Variants in HDAC4 observed in about 807,000 individuals in gnomAD.
HDAC4 encodes the protein histone deacetylase 4.
HDAC4 carries 16 observed loss-of-function variants against 135.1 expected under a neutral mutation model. That is an observed-to-expected ratio of 0.12 (90% CI 0.08 to 0.18). The LOEUF is 0.18. Ranked by LOEUF, HDAC4 falls within the 10% of genes least tolerant of loss-of-function variation. HDAC4 has a pLI of 1.00. For synonymous variants in HDAC4, 685 were observed against 653.4 expected (o/e 1.05, Z -0.74); for missense variants, 1,143 against 1,511.8 (o/e 0.76, Z 4.05).
intron 12 of HDAC4, among the ~76,000 whole-genome samples, chr2:239,122,251 C>G (rs114619646): frequency 0.034 from 5,251 of 152,268 alleles, 116 homozygotes; most frequent in Non-Finnish European, 0.051. Flanking sequence ...TGTGCAGAGT[C>G]CAGAAACCAT....
At chr2:239,235,778 G>A (rs527666116) in intron 3 of HDAC4, among the ~76,000 whole-genome samples, 17 of 152,320 alleles carry the variant, frequency 1.1e-4, no homozygotes, top group African/African-American at 3.6e-4. Flanking sequence ...GGTGGCTCAC[G>A]CCTGTAATTC....
chr2:239,369,536 A>T (rs1258753488), intron 1 of HDAC4, among the ~76,000 whole-genome samples: 1 of 152,272 alleles, frequency 6.6e-6, no homozygotes, highest in Non-Finnish European at 1.5e-5. Context: ...TACAAAAAGC[A>T]TTTTTATTTT....
intron 21 of HDAC4, among the ~76,000 whole-genome samples, 186 bp downstream of exon 21, chr2:239,081,916 C>A (rs1447557398): frequency 6.6e-6 from 1 of 152,254 alleles, no homozygotes; most frequent in East Asian, 1.9e-4. Flanking sequence ...AGACAAAACA[C>A]AGGCCACCTG....
intron 13 of HDAC4, among the ~76,000 whole-genome samples, chr2:239,113,101 T>A (rs79905291): frequency 0.098 from 14,851 of 152,000 alleles, 1,085 homozygotes; most frequent in Admixed American, 0.24. Flanking sequence ...AAACAAAAAA[T>A]TAGCCAGGCG....
chr2:239,320,100 G>A (rs377346943), intron 2 of HDAC4, among the ~76,000 whole-genome samples: 3 of 152,020 alleles, frequency 2.0e-5, no homozygotes, highest in South Asian at 2.1e-4. Context: ...ATGACTAAGC[G>A]GGCTGAGAAA....
At chr2:239,320,029 TTTAA>T (rs2053254302) in intron 2 of HDAC4, among the ~76,000 whole-genome samples, 4 of 152,196 alleles carry the variant, frequency 2.6e-5, no homozygotes, top group African/African-American at 9.6e-5. Flanking sequence ...TGTTTAATTC[TTTAA>T]TTAGAGATTT....
At chr2:239,292,714 GTTTCTTT>G (rs1559336173) in intron 2 of HDAC4, among the ~76,000 whole-genome samples, 1 of 152,026 alleles carries the variant, frequency 6.6e-6, no homozygotes, top group African/African-American at 2.4e-5. Flanking sequence ...AGAGGATACT[GTTTCTTT>G]TTTGTTTCTT....
intron 3 of HDAC4, among the ~76,000 whole-genome samples, chr2:239,216,116 C>A (rs1237958605): frequency 6.6e-6 from 1 of 151,946 alleles, no homozygotes; most frequent in Non-Finnish European, 1.5e-5. Flanking sequence ...TAATTAGGGC[C>A]ATATTATGCA....
At chr2:239,247,082 A>T (rs1415923704) in intron 2 of HDAC4, among the ~76,000 whole-genome samples, 1 of 152,258 alleles carries the variant, frequency 6.6e-6, no homozygotes, top group Non-Finnish European at 1.5e-5. Context: ...CCCTTCAGTT[A>T]ATGATGAAAG....
intron 13 of HDAC4, among the ~76,000 whole-genome samples, chr2:239,112,558 G>C (rs374296866): frequency 1.4e-4 from 21 of 152,286 alleles, no homozygotes; most frequent in African/African-American, 4.3e-4. Context: ...CTGTGTGTGG[G>C]GGGGGCACTC....
intron 9 of HDAC4, among the ~76,000 whole-genome samples, chr2:239,137,859 C>A (rs1019376351): frequency 3.9e-5 from 6 of 152,198 alleles, no homozygotes; most frequent in African/African-American, 1.4e-4. Flanking sequence ...TGAACAATGG[C>A]ACCTCTTGGT....
intron 15 of HDAC4, among the ~76,000 whole-genome samples, chr2:239,105,420 C>A (rs1279521227): frequency 1.3e-5 from 2 of 152,214 alleles, no homozygotes; most frequent in Non-Finnish European, 2.9e-5. Context: ...ACTCAGAGGA[C>A]CCCCGACTGC....
At chr2:239,152,445 G>A (rs1411464276) in intron 7 of HDAC4, among the ~76,000 whole-genome samples, 6 of 152,228 alleles carry the variant, frequency 3.9e-5, no homozygotes, top group African/African-American at 9.6e-5. Context: ...GAAATCTGGC[G>A]GGAGGTGAAG....
At chr2:239,190,146 A>AC (rs1575351298) in intron 3 of HDAC4, 69 bp from the exon 4 acceptor site, 1 of 1,357,296 alleles carries the variant, frequency 7.4e-7, no homozygotes, top group Middle Eastern at 2.7e-4. Flanking sequence ...CAGAGCCCCC[A>AC]CCCAACACAC....
intron 3 of HDAC4, among the ~76,000 whole-genome samples, chr2:239,195,723 C>T (rs1162371071): frequency 3.3e-5 from 5 of 152,164 alleles, no homozygotes; most frequent in African/African-American, 4.8e-5. Context: ...GAATATTCTA[C>T]GGTACAGCAG....
chr2:239,390,923 G>A (rs1696155814), intron 1 of HDAC4, among the ~76,000 whole-genome samples: 1 of 152,228 alleles, frequency 6.6e-6, no homozygotes, highest in African/African-American at 2.4e-5. Context: ...AAGAACCAAG[G>A]GGAGGGAAAG....
intron 4 of HDAC4, among the ~76,000 whole-genome samples, chr2:239,177,091 G>A (rs377266713): frequency 5.0e-4 from 76 of 152,312 alleles, no homozygotes; most frequent in African/African-American, 1.2e-3. Context: ...TCCCTCGAAG[G>A]TGGACACTTG....
intron 2 of HDAC4, among the ~76,000 whole-genome samples, chr2:239,271,810 T>G (rs2050075077): frequency 6.6e-6 from 1 of 152,086 alleles, no homozygotes; most frequent in South Asian, 2.1e-4. Context: ...AATTAACCTC[T>G]CAACAGGGAA....
chr2:239,196,092 T>C (rs921917908), intron 3 of HDAC4, among the ~76,000 whole-genome samples: 7 of 152,012 alleles, frequency 4.6e-5, no homozygotes, highest in Non-Finnish European at 8.8e-5. Flanking sequence ...GGAAAAATAA[T>C]AGATATTTCA....
Sources: allele counts gnomAD v4.1 joint callset (sites outside exome capture counted in the v4.1 genomes callset), GRCh38; gene constraint gnomAD v4.1.1; transcripts MANE v1.5; gene names NCBI Gene and HGNC (gene_info 2026-07-23, HGNC 2026-07-21).